CDCA5: variants seen among roughly 807,000 people sequenced by gnomAD.
CDCA5 encodes cell division cycle associated 5, also known as sororin.
Under a neutral mutation model 25.7 loss-of-function variants are expected in CDCA5, and 14 were observed. The ratio of observed to expected loss-of-function variants is 0.54; its 90% CI spans 0.36 to 0.85. The LOEUF (loss-of-function observed/expected upper bound fraction) is 0.85. Among genes scored for constraint, CDCA5 ranks in the 40% least tolerant of loss-of-function variants. The pLI is 0.01. For synonymous variants in CDCA5, 127 were observed against 128.7 expected (o/e 0.99, Z 0.09); for missense variants, 307 against 324.5 (o/e 0.95, Z 0.41).
chr11:65,066,358 C>T (rs1419482269), downstream of CDCA5: 3 of 1,180,310 alleles, frequency 2.5e-6, no homozygotes, highest in South Asian at 1.6e-5. Flanking sequence ...AGCGGCCTCC[C>T]GAGGAGGTGT....
downstream of CDCA5, among the ~76,000 whole-genome samples, chr11:65,074,248 T>C (rs1169802879): frequency 1.3e-5 from 2 of 152,130 alleles, no homozygotes; most frequent in Non-Finnish European, 2.9e-5. Context: ...AATTTTTCTA[T>C]TGTTAGTAGA....
At chr11:65,080,245 GAAGAA>G (rs907680470) in intron 4 of CDCA5, among the ~76,000 whole-genome samples, 16 of 152,104 alleles carry the variant, frequency 1.1e-4, no homozygotes, top group African/African-American at 3.9e-4. Flanking sequence ...GACATGGAGA[GAAGAA>G]AACAACCCAC....
chr11:65,083,072 A>G (rs765884103), intron 4 of CDCA5, among the ~76,000 whole-genome samples: 1 of 152,224 alleles, frequency 6.6e-6, no homozygotes, highest in African/African-American at 2.4e-5. Context: ...ACACCCATAC[A>G]TGAAAGCTGA....
downstream of CDCA5, among the ~76,000 whole-genome samples, chr11:65,062,710 T>C (rs1261005920): frequency 6.6e-6 from 1 of 152,184 alleles, no homozygotes; most frequent in African/African-American, 2.4e-5. Flanking sequence ...GGCAGGAAGA[T>C]CGCTTGAGTC....
intron 4 of CDCA5, 108 bp downstream of exon 4, chr11:65,083,256 G>A (rs1947611830): frequency 7.7e-7 from 1 of 1,298,080 alleles, no homozygotes; most frequent in African/African-American, 1.5e-5. Flanking sequence ...AACTGTTTTT[G>A]CAGTACTGCA....
intron 1 of CDCA5, among the ~76,000 whole-genome samples, chr11:65,070,791 G>T (rs1293958482): frequency 6.6e-6 from 1 of 152,022 alleles, no homozygotes; most frequent in African/African-American, 2.4e-5. Flanking sequence ...GGCAGGTTGA[G>T]AATTTCTTCT....
the CDCA5 span, among the ~76,000 whole-genome samples, chr11:65,061,197 A>G: frequency 6.6e-6 from 1 of 152,202 alleles, no homozygotes; most frequent in Non-Finnish European, 1.5e-5. Flanking sequence ...AAGACACTCA[A>G]GCAGCCCTGT....
chr11:65,083,591 G>A (rs1565292575), intron 2 of CDCA5, 38 bp downstream of exon 2: 4 of 1,614,056 alleles, frequency 2.5e-6, no homozygotes, highest in Non-Finnish European at 1.7e-6. Context: ...ATTAGGTGAG[G>A]GGCCACAAGG....
downstream of CDCA5, among the ~76,000 whole-genome samples, chr11:65,061,914 A>AT (rs35836447): frequency 0.4 from 32,826 of 82,352 alleles, 6,807 homozygotes; most frequent in East Asian, 0.63. Flanking sequence ...CAGCTGCCTA[A>AT]TTTTTTTTTT....
chr11:65,065,080 A>G (rs1389618414), downstream of CDCA5, among the ~76,000 whole-genome samples: 1 of 152,100 alleles, frequency 6.6e-6, no homozygotes, highest in African/African-American at 2.4e-5. Context: ...AGTGAACATA[A>G]GGCAAAATGA....
chr11:65,078,455 C>T lies in CDCA5; in HGVS notation c.*652G>A. On this transcript the variant is annotated 3_prime_UTR_variant, in exon 6 of 6. Coordinates refer to ENST00000275517, the MANE Select transcript of CDCA5 (RefSeq NM_080668.4). Reference sequence around the variant, plus strand: ...AGACCAGAACTAGAAAACACAGCTTCTGTGTAGTACACACTTATGGTCTGA... The same window carrying T: ...AGACCAGAACTAGAAAACACAGCTTTTGTGTAGTACACACTTATGGTCTGA... 1 of 985,624 alleles carries T rather than the reference C, an allele frequency of 1.0e-6. No homozygotes were observed. 61.1% of individuals were successfully genotyped at this position (985,624 alleles called of 1,614,324 possible).
At chr11:65,081,559 C>G (rs965763312) in intron 4 of CDCA5, among the ~76,000 whole-genome samples, 1 of 152,118 alleles carries the variant, frequency 6.6e-6, no homozygotes, top group African/African-American at 2.4e-5. Context: ...GAATCTCAGT[C>G]AATCAACAAG....
chr11:65,064,215 G>A (rs1407176498), downstream of CDCA5, among the ~76,000 whole-genome samples: 2 of 151,988 alleles, frequency 1.3e-5, no homozygotes, highest in South Asian at 2.1e-4. Flanking sequence ...TCAGGAGATC[G>A]AGACCACCCT....
downstream of CDCA5, chr11:65,077,416 G>T: frequency 6.1e-6 from 6 of 980,414 alleles, no homozygotes; most frequent in Non-Finnish European, 7.3e-6. Flanking sequence ...CCTTACCTTC[G>T]GCTCTGCCTT....
chr11:65,078,759 C>A lies in CDCA5; in HGVS notation c.*348G>T. ...CCCCTCCCAACAAGAGCAGAGGTGC[C>A]TCTCACCTCAACCCTCAGCCCTTTA... On this transcript the variant is annotated 3_prime_UTR_variant, in exon 6 of 6. Coordinates refer to ENST00000275517, the MANE Select transcript of CDCA5 (RefSeq NM_080668.4). The A allele has an allele frequency of 9.5e-7, 1 of 1,054,910 alleles. No individual in the cohort carries two copies. Among genetic ancestry groups the A allele is most frequent in the Non-Finnish European group, 1.1e-6 (1 of 875,724 alleles). 65.3% of individuals were successfully genotyped at this position (1,054,910 alleles called of 1,614,324 possible). A position where few individuals can be genotyped will look rare whatever the true frequency, so the allele number is the denominator to read the frequency against.
downstream of CDCA5, among the ~76,000 whole-genome samples, chr11:65,074,603 G>A (rs1004771483): frequency 6.6e-6 from 1 of 152,048 alleles, no homozygotes; most frequent in Non-Finnish European, 1.5e-5. Context: ...GCCAGGCATG[G>A]TGACACGTGC....
At chr11:65,063,703 C>T (rs540733588), downstream of CDCA5, among the ~76,000 whole-genome samples, 1 of 152,360 alleles carries the variant, frequency 6.6e-6, no homozygotes, top group South Asian at 2.1e-4. Flanking sequence ...ACAGAGGAGG[C>T]TGATTTGCTA....
At chr11:65,069,315 ATCTACTGGC>A (rs1173803262) in intron 1 of CDCA5, among the ~76,000 whole-genome samples, 1 of 151,218 alleles carries the variant, frequency 6.6e-6, no homozygotes, top group Non-Finnish European at 1.5e-5. Flanking sequence ...AATCTTGTGC[ATCTACTGGC>A]CAAGTAACCA....
downstream of CDCA5, among the ~76,000 whole-genome samples, chr11:65,066,135 G>T (rs1186376831): frequency 6.6e-6 from 1 of 152,036 alleles, no homozygotes; most frequent in Non-Finnish European, 1.5e-5. Flanking sequence ...TGAGGGGTCG[G>T]GGGAGGGCAG....
Sources: gnomAD v4.1 joint callset for allele counts (sites outside exome capture counted in the v4.1 genomes callset) on GRCh38, gnomAD v4.1.1 for gene constraint, MANE v1.5 for transcripts, NCBI Gene and HGNC (gene_info 2026-07-23, HGNC 2026-07-21) for gene names.